The following CSMD3 variants were observed in gnomAD, a reference collection of about 807,000 sequenced individuals.
The protein encoded by CSMD3 is CUB and sushi domain-containing protein 3.
Under a neutral mutation model 435.2 loss-of-function variants are expected in CSMD3, and 177 were observed. The ratio of observed to expected loss-of-function variants is 0.41; its 90% confidence interval spans 0.36 to 0.46. CSMD3 has a LOEUF of 0.46. CSMD3 is among the 20% of genes least tolerant of loss of function. The probability of loss-of-function intolerance (pLI) is 0.34; values close to 1 mark genes in which losing one functional copy is unlikely to be tolerated. For missense variants in CSMD3, 4,265 were observed against 4,504.6 expected (o/e 0.95, Z 1.52); for synonymous variants, 1,656 against 1,520.5 (o/e 1.09, Z -2.07).
At chr8:113,211,728 G>A (rs999153717) in intron 3 of CSMD3, among the ~76,000 whole-genome samples, 1 of 151,982 alleles carries the variant, frequency 6.6e-6, no homozygotes, top group Non-Finnish European at 1.5e-5. Context: ...AGCATGCAAA[G>A]TTCTCATTTA....
intron 31 of CSMD3, among the ~76,000 whole-genome samples, chr8:112,478,828 C>G (rs1051105026): frequency 1.6e-4 from 25 of 152,144 alleles, no homozygotes; most frequent in African/African-American, 6.0e-4. Context: ...CTAATTGATT[C>G]TTTCTAAATA....
intron 5 of CSMD3, among the ~76,000 whole-genome samples, chr8:113,031,393 G>A (rs1443041492): frequency 6.6e-6 from 1 of 151,514 alleles, no homozygotes; most frequent in African/African-American, 2.4e-5. Flanking sequence ...AACATTAAGA[G>A]CAAAGGAAAA....
intron 3 of CSMD3, among the ~76,000 whole-genome samples, chr8:113,183,902 A>G (rs903305874): frequency 1.3e-5 from 2 of 151,956 alleles, no homozygotes; most frequent in African/African-American, 4.8e-5. Flanking sequence ...CAAGCAATCA[A>G]TTTTTGCAGT....
intron 10 of CSMD3, among the ~76,000 whole-genome samples, chr8:112,890,100 G>A (rs1031019888): frequency 7.9e-5 from 12 of 151,674 alleles, no homozygotes; most frequent in African/African-American, 2.7e-4. Flanking sequence ...TGTCACAGTA[G>A]TATACTGTAT....
At position 112,542,468 on chromosome 8, in the gene CSMD3, G is replaced by A. The variant is rs145531668; in HGVS notation, c.4564+8203C>T. Reference sequence around the variant, plus strand: ...ACTAATAAATTCAATAAAGTTTCAGGATACAAAATCAACATACAAAAATCA... The same window carrying A: ...ACTAATAAATTCAATAAAGTTTCAGAATACAAAATCAACATACAAAAATCA... On this transcript the variant is annotated intron_variant, in intron 27 of 70. Transcript: ENST00000297405. Among the ~76,000 whole-genome samples the A allele has an allele frequency of 4.1e-3, 627 of 151,596 alleles. 1 individual carries two copies. Among genetic ancestry groups the A allele is most frequent in the South Asian group, 6.3e-3 (30 of 4,792 alleles).
chr8:112,268,998 G>C (rs899665272), intron 59 of CSMD3, among the ~76,000 whole-genome samples: 1 of 152,040 alleles, frequency 6.6e-6, no homozygotes, highest in Non-Finnish European at 1.5e-5. Flanking sequence ...TATATCTCTG[G>C]CATCTGCCTG....
chr8:113,294,819 G>A lies in CSMD3; in HGVS notation c.402-16115C>T, dbSNP rs1000483199. On this transcript the variant is annotated intron_variant, in intron 2 of 70. Coordinates refer to ENST00000297405, the MANE Select transcript of CSMD3 (RefSeq NM_198123.2). Reference sequence around the variant, plus strand: ...AGGACAATCCTAATTACAGACTTGCGGAAGGAGAAAATGAGGAACAGAATC... The same window carrying A: ...AGGACAATCCTAATTACAGACTTGCAGAAGGAGAAAATGAGGAACAGAATC... Among the ~76,000 whole-genome samples, 7 of 151,966 alleles carry A rather than the reference G, an allele frequency of 4.6e-5. 1 individual carries two copies. In the South Asian group the frequency reaches 6.2e-4, roughly 14 times the overall value.
chr8:112,985,342 G>C (rs969283141), intron 6 of CSMD3, among the ~76,000 whole-genome samples: 11 of 151,940 alleles, frequency 7.2e-5, no homozygotes, highest in Non-Finnish European at 2.9e-5. Context: ...CAAATTATTT[G>C]GCATGGCAGG....
chr8:113,372,933 T>A (rs2094355863), intron 1 of CSMD3, among the ~76,000 whole-genome samples: 1 of 106,086 alleles, frequency 9.4e-6, no homozygotes. Context: ...AGAGCGAGAC[T>A]CCGTCTCAAA....
rs934953703 is a variant in CSMD3 at position 113,433,342 on chromosome 8, C to T, written c.178+3335G>A. Among the ~76,000 whole-genome samples the T allele has an allele frequency of 5.3e-5, 8 of 152,048 alleles. No homozygotes were observed. In the East Asian group the frequency reaches 1.2e-3, roughly 22 times the overall value. On this transcript the variant is annotated intron_variant, in intron 1 of 70. Transcript: ENST00000297405. ...GGCGAGGACTGTGGGTGTCAGTCCCCGGGACACACGCGGGGCTGAAAGCTC... is the reference window on the plus strand; with the variant it reads ...GGCGAGGACTGTGGGTGTCAGTCCCTGGGACACACGCGGGGCTGAAAGCTC...
At chr8:113,257,183 C>A (rs1052943235) in intron 3 of CSMD3, among the ~76,000 whole-genome samples, 1 of 152,002 alleles carries the variant, frequency 6.6e-6, no homozygotes, top group African/African-American at 2.4e-5. Context: ...CCGAGGCGGG[C>A]GGATCACGTG....
At chr8:112,419,957 A>G (rs772291967) in intron 32 of CSMD3, among the ~76,000 whole-genome samples, 3 of 152,184 alleles carry the variant, frequency 2.0e-5, no homozygotes, top group Non-Finnish European at 2.9e-5. Context: ...AAAAGTTTAA[A>G]GTGTTCAAAT....
intron 10 of CSMD3, among the ~76,000 whole-genome samples, chr8:112,863,065 T>C (rs2080870805): frequency 2.6e-5 from 4 of 152,180 alleles, no homozygotes; most frequent in Admixed American, 2.6e-4. Context: ...TTCAATTTTT[T>C]CTTGCTGATC....
chr8:113,436,098 A>C (rs951813225), intron 1 of CSMD3, among the ~76,000 whole-genome samples: 13 of 152,150 alleles, frequency 8.5e-5, no homozygotes, highest in African/African-American at 2.9e-4. Context: ...CCTCTACCAC[A>C]GGTCCTAGGG....
intron 12 of CSMD3, among the ~76,000 whole-genome samples, chr8:112,802,776 G>A (rs1433008293): frequency 2.0e-5 from 3 of 151,460 alleles, no homozygotes; most frequent in Non-Finnish European, 4.4e-5. Context: ...CTTGATCTTT[G>A]CTTTTTTGAA....
intron 19 of CSMD3, 122 bp downstream of exon 19, chr8:112,650,039 G>C: frequency 1.3e-6 from 1 of 741,762 alleles, no homozygotes. Flanking sequence ...AAATTTGCCA[G>C]AAATCAAAAG....
chr8:113,169,580 A>T (rs1380911306), intron 4 of CSMD3, among the ~76,000 whole-genome samples: 1 of 152,208 alleles, frequency 6.6e-6, no homozygotes, highest in Non-Finnish European at 1.5e-5. Flanking sequence ...TTTCTAATTT[A>T]GCCATATGTT....
chr8:112,699,463 T>TG (rs1000128455), intron 13 of CSMD3, among the ~76,000 whole-genome samples: 8 of 151,956 alleles, frequency 5.3e-5, no homozygotes, highest in Admixed American at 3.9e-4. Flanking sequence ...ACAGAATAAG[T>TG]GGGGAAAAAA....
At position 112,685,472 on chromosome 8, in the gene CSMD3, T is replaced by C. The variant is rs2075990306; in HGVS notation, c.2416A>G (p.Ile806Val). Residue 806 changes from isoleucine to valine, a missense_variant, in exon 15 of 71, where the codon ATA (isoleucine) becomes GTA (valine). Ile to Val is a conservative substitution (Grantham distance 29). Coordinates refer to ENST00000297405, the MANE Select transcript of CSMD3 (RefSeq NM_198123.2). ...TCAGCCTGAAATTCCAATCGCAGTATGTGACTATTACTAGTAAGATGGGAA... is the reference window on the plus strand; with the variant it reads ...TCAGCCTGAAATTCCAATCGCAGTACGTGACTATTACTAGTAAGATGGGAA... Reference protein sequence around the residue: ...VPSHLTSNSHILRLEFQADHS... With the variant: ...VPSHLTSNSHVLRLEFQADHS... 2 of 1,613,954 alleles carry C rather than the reference T, an allele frequency of 1.2e-6. No individual in the cohort carries two copies. The highest frequency in any genetic ancestry group is 1.1e-5 in the South Asian group (1 of 91,088).
Sources: allele counts gnomAD v4.1 joint callset (sites outside exome capture counted in the v4.1 genomes callset), GRCh38; gene constraint gnomAD v4.1.1; transcripts MANE v1.5; gene names NCBI Gene and HGNC (gene_info 2026-07-23, HGNC 2026-07-21).